TJP2: variants seen among roughly 807,000 people sequenced by gnomAD.
TJP2 encodes Friedreich ataxia region gene X104 (tight junction protein ZO-2).
TJP2 carries 91 observed loss-of-function variants against 133.1 expected under a neutral mutation model. That is an observed-to-expected ratio of 0.68 (90% confidence interval 0.58 to 0.81). The LOEUF is 0.81. Ranked by LOEUF, TJP2 falls within the 40% of genes least tolerant of loss-of-function variation. The pLI is 0.00. For missense variants in TJP2, 1,541 were observed against 1,565.6 expected (o/e 0.98, Z 0.26); for synonymous variants, 592 against 583.4 (o/e 1.01, Z -0.21).
At chr9:69,230,969 G>A (rs1277206696) in intron 11 of TJP2, among the ~76,000 whole-genome samples, 1 of 152,066 alleles carries the variant, frequency 6.6e-6, no homozygotes. Flanking sequence ...TGTATAATCT[G>A]TTAAGGAATT....
intron 2 of TJP2, among the ~76,000 whole-genome samples, chr9:69,163,557 G>C (rs1824198214): frequency 6.6e-6 from 1 of 151,830 alleles, no homozygotes; most frequent in Admixed American, 6.6e-5. Flanking sequence ...GATCACTTGA[G>C]CCTGGGAGGC....
intron 2 of TJP2, among the ~76,000 whole-genome samples, chr9:69,165,505 G>A (rs536757084): frequency 1.3e-5 from 2 of 152,162 alleles, no homozygotes; most frequent in East Asian, 1.9e-4. Flanking sequence ...GTTTCTTCAC[G>A]TATAAAGCAG....
chr9:69,171,766 G>GT (rs1367771101), upstream of TJP2, among the ~76,000 whole-genome samples: 1 of 145,136 alleles, frequency 6.9e-6, no homozygotes, highest in Non-Finnish European at 1.5e-5. Context: ...GAGGTGTTCA[G>GT]TAAGTACCTG....
chr9:69,145,737 G>A, intron 1 of TJP2: 1 of 1,232,054 alleles, frequency 8.1e-7, no homozygotes, highest in Middle Eastern at 3.1e-4. Flanking sequence ...TATTCTGGAA[G>A]CAGCAGTTGG....
intron 1 of TJP2, among the ~76,000 whole-genome samples, chr9:69,147,470 A>C (rs1399367722): frequency 6.6e-6 from 1 of 152,190 alleles, no homozygotes; most frequent in Non-Finnish European, 1.5e-5. Context: ...TTAGTGTTCG[A>C]ATTTTACAAG....
At chr9:69,140,545 T>C (rs1401290926) in intron 1 of TJP2, among the ~76,000 whole-genome samples, 2 of 152,150 alleles carry the variant, frequency 1.3e-5, no homozygotes, top group African/African-American at 4.8e-5. Flanking sequence ...CAACACCTCA[T>C]ACCCGGTATA....
chr9:69,230,088 T>C lies in TJP2; in HGVS notation c.1527T>C (p.Asn509=). The change falls in exon 11 of 23, where the codon AAT becomes AAC. Residue 509 remains asparagine (N), a synonymous_variant. Transcript: ENST00000377245. ...SPEDEAIYGP[N]TKMVRFKKGD... is the part of the protein sequence containing the mutation. Reference sequence around the variant, plus strand: ...GAAACGGAACCTATTGCAGCCCTAATACCAAAATGGTAAGGTTCAAGAAGG... The same window carrying C: ...GAAACGGAACCTATTGCAGCCCTAACACCAAAATGGTAAGGTTCAAGAAGG... The C allele has an allele frequency of 6.2e-7, 1 of 1,614,130 alleles. No homozygotes were observed. The highest frequency in any genetic ancestry group is 8.5e-7 in the Non-Finnish European group (1 of 1,179,998).
chr9:69,161,194 A>G (rs1202819252), intron 2 of TJP2, among the ~76,000 whole-genome samples: 1 of 151,636 alleles, frequency 6.6e-6, no homozygotes, highest in Non-Finnish European at 1.5e-5. Context: ...TGCCTGGCCA[A>G]TAGCTGTAGG....
chr9:69,223,587 G>T (rs932267715), intron 5 of TJP2, among the ~76,000 whole-genome samples: 1 of 152,226 alleles, frequency 6.6e-6, no homozygotes, highest in African/African-American at 2.4e-5. Flanking sequence ...GATTACAGGC[G>T]TGAGCCCCCA....
intron 14 of TJP2, among the ~76,000 whole-genome samples, 159 bp from the exon 15 acceptor site, chr9:69,237,719 G>T (rs1371504317): frequency 2.6e-5 from 4 of 152,174 alleles, no homozygotes; most frequent in Admixed American, 2.6e-4. Flanking sequence ...GGTGAGGATA[G>T]TGAAGGCATA....
Position 69,236,080 on chromosome 9 carries a change from C to T in TJP2, c.1833C>T (p.Ser611=). Residue 611 remains serine, a synonymous_variant, in exon 13 of 23, where the codon AGC becomes AGT. Transcript: ENST00000377245. ...CGRGDSFFIR[S]HFECEKETPQ... is the part of the protein sequence containing the mutation. ...GAGGGGATTCGTTTTTTATAAGAAG[C>T]CACTTTGAATGTGAGAAGGAAACTC... is the stretch of plus-strand genomic sequence containing the variant. 6.2e-7 allele frequency: 1 copy of T among 1,614,128 alleles called. No individual in the cohort carries two copies.
At chr9:69,122,568 T>C (rs1822194465) in intron 1 of TJP2, among the ~76,000 whole-genome samples, 1 of 152,194 alleles carries the variant, frequency 6.6e-6, no homozygotes, top group African/African-American at 2.4e-5. Flanking sequence ...CAGGGCTGCA[T>C]TGCAAGGTTC....
chr9:69,246,897 CAT>C lies in TJP2; in HGVS notation c.2667+108_2667+109del, dbSNP rs1830968122. 1.2e-5 allele frequency: 12 copies of C among 982,680 alleles called. No individual in the cohort carries two copies. The East Asian group carries it at 2.9e-4, about 24-fold the overall frequency. The allele number at this position is 982,680 out of a possible 1,614,324, so 60.9% of individuals were successfully genotyped here. On this transcript the variant is annotated intron_variant, in intron 18 of 22. Transcript: ENST00000377245. ...CCATGCCCATTTGAAGTGATGCTCA[CAT>C]GTGTGCTAATCAAGTTTGAAATTTC... is the stretch of plus-strand genomic sequence containing the variant.
intron 1 of TJP2, among the ~76,000 whole-genome samples, chr9:69,175,559 A>G (rs1825022391): frequency 6.6e-6 from 1 of 152,210 alleles, no homozygotes; most frequent in South Asian, 2.1e-4. Context: ...ATCCTGCTTG[A>G]GAGGATGAAA....
Position 69,226,107 on chromosome 9 carries a change from T to A in TJP2, c.1142T>A (p.Val381Glu), listed in dbSNP as rs1406324831. 2 of 1,614,150 alleles carry A rather than the reference T, an allele frequency of 1.2e-6. No homozygotes were observed. Among genetic ancestry groups the A allele is most frequent in the Non-Finnish European group, 1.7e-6 (2 of 1,180,020 alleles). ...TCAAGAGGAAAACTACAGCTAGTGG[T>A]GTTGAGAGACAGCCAGCAGACCCTC... ...EKSRGKLQLV[V>E]LRDSQQTLIN... Residue 381 changes from valine to glutamate, a missense_variant, in exon 7 of 23, where the codon GTG becomes GAG. Coordinates refer to ENST00000377245, the MANE Select transcript of TJP2 (RefSeq NM_004817.4).
At position 69,203,607 on chromosome 9, in the gene TJP2, A is replaced by ATTTTT. The variant is rs754221310; in HGVS notation, c.61-8921_61-8917dup. Among the ~76,000 whole-genome samples, 116 of 67,832 alleles carry ATTTTT rather than the reference A, an allele frequency of 1.7e-3. 12 individuals carry two copies. The highest frequency in any genetic ancestry group is 5.6e-3 in the African/African-American group (87 of 15,648). The allele number at this position is 67,832 out of a possible 152,430, so 44.5% of individuals were successfully genotyped here. A position where few individuals can be genotyped will look rare whatever the true frequency, so the allele number is the denominator to read the frequency against. ...GCATGAGCCACGGTGCCCAGCCTGG[A>ATTTTT]TTTTTTTTTTTTTTTTTTTTTTTTG... On this transcript the variant is annotated intron_variant, in intron 1 of 22. Transcript: ENST00000377245.
chr9:69,171,285 T>C (rs751346831), upstream of TJP2, among the ~76,000 whole-genome samples: 1 of 152,200 alleles, frequency 6.6e-6, no homozygotes, highest in Non-Finnish European at 1.5e-5. Context: ...GGCTCCCTTT[T>C]GTCTAACACT....
Position 69,194,991 on chromosome 9 carries a change from C to T in TJP2, c.61-17557C>T, listed in dbSNP as rs1345782233. Among the ~76,000 whole-genome samples, 3 of 152,166 alleles carry T rather than the reference C, an allele frequency of 2.0e-5. No individual in the cohort carries two copies. The East Asian group carries it at 5.8e-4, about 29-fold the overall frequency. On this transcript the variant is annotated intron_variant, in intron 1 of 22. Transcript: ENST00000377245. ...ATTGCTAGGTGGTACTAATGTGTCC[C>T]TCTTTTCTGTGGGAACCATCATCTG...
upstream of TJP2, among the ~76,000 whole-genome samples, chr9:69,170,894 T>C (rs1468154247): frequency 6.6e-6 from 1 of 152,216 alleles, no homozygotes; most frequent in East Asian, 1.9e-4. Flanking sequence ...GAATGTGGGA[T>C]TGTCCCCTCC....
Sources: allele counts gnomAD v4.1 joint callset (sites outside exome capture counted in the v4.1 genomes callset), GRCh38; gene constraint gnomAD v4.1.1; transcripts MANE v1.5; gene names NCBI Gene and HGNC (gene_info 2026-07-23, HGNC 2026-07-21).